The following CNTNAP2 variants were observed in gnomAD, a reference collection of about 807,000 sequenced individuals.
CNTNAP2 encodes the protein contactin associated protein 2, also known as contactin-associated protein-like 2.
CNTNAP2 carries 98 observed loss-of-function variants against 155.2 expected under a neutral mutation model. The observed-to-expected ratio is 0.63, with a 90% CI of 0.54 to 0.75. The LOEUF (loss-of-function observed/expected upper bound fraction) is 0.75. Ranked by LOEUF, CNTNAP2 falls within the 30% of genes least tolerant of loss-of-function variation. CNTNAP2 has a pLI of 0.00. For synonymous variants in CNTNAP2, 651 were observed against 631.2 expected, an observed-to-expected ratio of 1.03 and a Z score of -0.47; for missense variants, 1,727 against 1,688.1, an observed-to-expected ratio of 1.02 and a Z score of -0.40.
Position 147,790,471 on chromosome 7 carries a change from A to G in CNTNAP2, c.2099-113094A>G, listed in dbSNP as rs115353121. On this transcript the variant is annotated intron_variant, in intron 13 of 23. Transcript: ENST00000361727. ...GATTTTTAACCTCTGGAGATTATCAATTGGCTCACCTCCCTGCTAAAAGGA... is the reference window on the plus strand; with the variant it reads ...GATTTTTAACCTCTGGAGATTATCAGTTGGCTCACCTCCCTGCTAAAAGGA... Among the ~76,000 whole-genome samples, 742 of 152,316 alleles carry G rather than the reference A, an allele frequency of 4.9e-3. 3 individuals are homozygous for G. Among genetic ancestry groups the G allele is most frequent in the African/African-American group, 0.017 (691 of 41,560 alleles).
intron 1 of CNTNAP2, among the ~76,000 whole-genome samples, chr7:146,550,408 T>TTTTG (rs1554447393): frequency 4.6e-5 from 5 of 109,266 alleles, no homozygotes; most frequent in African/African-American, 1.5e-4. Context: ...TCTGTTTTTT[T>TTTTG]TTTTTTTTTT....
At chr7:146,698,772 T>C (rs911473680) in intron 1 of CNTNAP2, among the ~76,000 whole-genome samples, 1 of 152,110 alleles carries the variant, frequency 6.6e-6, no homozygotes, top group African/African-American at 2.4e-5. Flanking sequence ...CATTACACAT[T>C]TCGTAACACT....
intron 16 of CNTNAP2, among the ~76,000 whole-genome samples, chr7:148,140,966 G>C (rs966947316): frequency 6.6e-6 from 1 of 152,120 alleles, no homozygotes; most frequent in Non-Finnish European, 1.5e-5. Flanking sequence ...AAGATTCCTA[G>C]GACTTACTAC....
At chr7:146,937,310 C>G (rs1796937241) in intron 3 of CNTNAP2, among the ~76,000 whole-genome samples, 1 of 149,352 alleles carries the variant, frequency 6.7e-6, no homozygotes, top group Admixed American at 6.7e-5. Context: ...GTGATCACGC[C>G]ACTGCACTCC....
intron 13 of CNTNAP2, among the ~76,000 whole-genome samples, chr7:147,837,705 G>C (rs1798655791): frequency 3.9e-5 from 6 of 152,152 alleles, no homozygotes; most frequent in Non-Finnish European, 7.3e-5. Context: ...CCAAATCGGA[G>C]AAATTGGCCA....
In CNTNAP2 at chr7:147,538,622, C is replaced by T. The variant is rs370596867; in HGVS notation, c.1778-23516C>T. Among the ~76,000 whole-genome samples the T allele has an allele frequency of 2.6e-5, 4 of 152,148 alleles. No homozygotes were observed. The East Asian group carries it at 7.7e-4, about 29-fold the overall frequency. On this transcript the variant is annotated intron_variant, in intron 11 of 23. Transcript: ENST00000361727. Reference sequence around the variant, plus strand: ...CTGTGATCATGCCACTGTACTCCAGCCTGGGAAACAGAGTGAGATTATATA... The same window carrying T: ...CTGTGATCATGCCACTGTACTCCAGTCTGGGAAACAGAGTGAGATTATATA...
chr7:147,601,778 T>A (rs1159836486), intron 12 of CNTNAP2, among the ~76,000 whole-genome samples: 3 of 151,716 alleles, frequency 2.0e-5, no homozygotes, highest in South Asian at 2.1e-4. Context: ...AATTTTTTTA[T>A]GTACAATCGG....
intron 12 of CNTNAP2, among the ~76,000 whole-genome samples, chr7:147,637,300 G>T (rs185327382): frequency 2.0e-5 from 3 of 152,244 alleles, no homozygotes; most frequent in Non-Finnish European, 2.9e-5. Flanking sequence ...TAGTAGTGGT[G>T]GTGGGTTGGC....
At chr7:146,943,716 G>A (rs1040333717) in intron 3 of CNTNAP2, among the ~76,000 whole-genome samples, 1 of 152,122 alleles carries the variant, frequency 6.6e-6, no homozygotes, top group East Asian at 1.9e-4. Flanking sequence ...AGCACTTCGA[G>A]CATCACTAGT....
intron 3 of CNTNAP2, among the ~76,000 whole-genome samples, chr7:146,931,746 A>G (rs1284518640): frequency 6.7e-6 from 1 of 150,074 alleles, no homozygotes; most frequent in African/African-American, 2.5e-5. Flanking sequence ...AAAAAATGAT[A>G]AAGGGGATAT....
At chr7:146,394,999 T>C (rs541873510) in intron 1 of CNTNAP2, among the ~76,000 whole-genome samples, 1 of 152,324 alleles carries the variant, frequency 6.6e-6, no homozygotes, top group African/African-American at 2.4e-5. Context: ...TATTTGACTT[T>C]ATATTTTTGA....
At chr7:147,967,705 A>C (rs1057414366) in intron 14 of CNTNAP2, among the ~76,000 whole-genome samples, 1 of 152,190 alleles carries the variant, frequency 6.6e-6, no homozygotes, top group Admixed American at 6.6e-5. Context: ...TCTTGTCCTC[A>C]AAGGGCTCAC....
At chr7:146,219,789 CTG>C (rs1799177585) in intron 1 of CNTNAP2, among the ~76,000 whole-genome samples, 1 of 152,128 alleles carries the variant, frequency 6.6e-6, no homozygotes, top group Non-Finnish European at 1.5e-5. Flanking sequence ...ATGGCAGCAT[CTG>C]TGATTATACT....
chr7:147,449,303 T>A (rs1289577865), intron 10 of CNTNAP2, among the ~76,000 whole-genome samples: 8 of 151,800 alleles, frequency 5.3e-5, no homozygotes, highest in Non-Finnish European at 1.5e-5. Flanking sequence ...GACTGAGGAG[T>A]CATTTCATGC....
chr7:147,524,526 C>A (rs1799284866), intron 11 of CNTNAP2, among the ~76,000 whole-genome samples: 1 of 152,196 alleles, frequency 6.6e-6, no homozygotes, highest in African/African-American at 2.4e-5. Flanking sequence ...AACTCATCAG[C>A]TGGATTTTGC....
rs190872601 is a variant in CNTNAP2 at position 147,227,371 on chromosome 7, C to T, written c.1349-72770C>T. Among the ~76,000 whole-genome samples the T allele has an allele frequency of 2.1e-3, 321 of 151,876 alleles. 2 individuals carry two copies. The highest frequency in any genetic ancestry group is 0.018 in the Admixed American group (277 of 15,258). ...CCTTTAGTCTGAGTAGGATGGGAAA[C>T]ATTTGAATATTTGAATGAAGAAGTG... is the stretch of plus-strand genomic sequence containing the variant. On this transcript the variant is annotated intron_variant, in intron 8 of 23. Transcript: ENST00000361727.
chr7:147,309,658 C>A (rs1795087785), intron 9 of CNTNAP2, among the ~76,000 whole-genome samples: 1 of 152,126 alleles, frequency 6.6e-6, no homozygotes, highest in Admixed American at 6.5e-5. Context: ...TATGCAAAAA[C>A]AACTCCTTGT....
In CNTNAP2 at chr7:146,700,105, A is replaced by G. The variant is rs537075359; in HGVS notation, c.98-74166A>G. ...GGTAGACCTCTTGGATGTAAAATGAATAAGAGTGTAGCCCCTTCCAAGACT... is the reference window on the plus strand; with the variant it reads ...GGTAGACCTCTTGGATGTAAAATGAGTAAGAGTGTAGCCCCTTCCAAGACT... On this transcript the variant is annotated intron_variant, in intron 1 of 23. Transcript: ENST00000361727. 2.9e-4 allele frequency among the ~76,000 whole-genome samples: 44 copies of G among 152,294 alleles called. 1 individual carries two copies. In the South Asian group the frequency reaches 6.0e-3, roughly 21 times the overall value.
intron 14 of CNTNAP2, among the ~76,000 whole-genome samples, chr7:147,964,167 G>T (rs370227278): frequency 8.5e-5 from 13 of 152,256 alleles, no homozygotes; most frequent in East Asian, 1.9e-4. Context: ...AAGGCCATAT[G>T]AGGACACGGT....
Sources: gnomAD v4.1 joint callset for allele counts (sites outside exome capture counted in the v4.1 genomes callset) on GRCh38, gnomAD v4.1.1 for gene constraint, MANE v1.5 for transcripts, NCBI Gene and HGNC (gene_info 2026-07-23, HGNC 2026-07-21) for gene names.